The following KLHL14 variants were observed in gnomAD, a reference collection of about 807,000 sequenced individuals.
The protein encoded by KLHL14 is kelch-like protein 14.
KLHL14 carries 22 observed loss-of-function variants against 64.3 expected under a neutral mutation model. The ratio of observed to expected loss-of-function variants is 0.34; its 90% CI spans 0.24 to 0.49. The LOEUF (loss-of-function observed/expected upper bound fraction) is 0.49. Ranked by LOEUF, KLHL14 falls within the 20% of genes least tolerant of loss-of-function variation. KLHL14 has a pLI of 0.99. For synonymous variants in KLHL14, 322 were observed against 333.4 expected (o/e 0.97, Z 0.37); for missense variants, 661 against 789.0 (o/e 0.84, Z 1.94).
chr18:32,708,165 G>A (rs915245222), intron 3 of KLHL14, among the ~76,000 whole-genome samples: 2 of 152,168 alleles, frequency 1.3e-5, no homozygotes, highest in Non-Finnish European at 2.9e-5. Flanking sequence ...CTGACAAACT[G>A]CTTCTGGGCT....
At chr18:32,749,452 T>C (rs1392390629) in intron 2 of KLHL14, among the ~76,000 whole-genome samples, 20 of 152,174 alleles carry the variant, frequency 1.3e-4, no homozygotes. Flanking sequence ...TACAAGAATG[T>C]TGTAAGGGTT....
At chr18:32,714,187 G>C (rs2050033738) in intron 3 of KLHL14, among the ~76,000 whole-genome samples, 1 of 152,096 alleles carries the variant, frequency 6.6e-6, no homozygotes, top group Non-Finnish European at 1.5e-5. Flanking sequence ...CTGCAGTGGT[G>C]AACCCAGTGT....
At chr18:32,759,555 G>T (rs2050302972) in intron 2 of KLHL14, among the ~76,000 whole-genome samples, 1 of 152,152 alleles carries the variant, frequency 6.6e-6, no homozygotes, top group Non-Finnish European at 1.5e-5. Context: ...TATGGGTAAG[G>T]CGTCTGAAAA....
At position 32,683,017 on chromosome 18, in the gene KLHL14, CACA is replaced by C. The variant is rs1438547819; in HGVS notation, c.1239-2421_1239-2419del. Reference sequence around the variant, plus strand: ...TCTAGAAGAAAAGATGCCACTTAGTCACAACAAGTATGAAAACCTTCTATTTAA... The same window carrying C: ...TCTAGAAGAAAAGATGCCACTTAGTCACAAGTATGAAAACCTTCTATTTAA... On this transcript the variant is annotated intron_variant, in intron 5 of 8. Transcript: ENST00000359358. This position sits in a 1 kb window ranked among gnomAD's most constrained non-coding sequence, Gnocchi z 4.2. 2.6e-5 allele frequency among the ~76,000 whole-genome samples: 4 copies of C among 152,140 alleles called. No individual in the cohort carries two copies. Among genetic ancestry groups the C allele is most frequent in the Non-Finnish European group, 5.9e-5 (4 of 68,014 alleles).
At chr18:32,739,288 TG>T (rs2050182924) in intron 3 of KLHL14, among the ~76,000 whole-genome samples, 1 of 151,924 alleles carries the variant, frequency 6.6e-6, no homozygotes, top group African/African-American at 2.4e-5. Flanking sequence ...GGGAAGAATC[TG>T]GGATTCTGAT....
intron 4 of KLHL14, among the ~76,000 whole-genome samples, chr18:32,694,618 T>C (rs2049928124): frequency 6.6e-6 from 1 of 152,238 alleles, no homozygotes; most frequent in Admixed American, 6.5e-5. Flanking sequence ...CAATTTTCTA[T>C]AATTTGCCTT....
intron 3 of KLHL14, among the ~76,000 whole-genome samples, chr18:32,736,204 A>G (rs1369034991): frequency 6.6e-6 from 1 of 152,188 alleles, no homozygotes; most frequent in African/African-American, 2.4e-5. Flanking sequence ...CTTCCTTGAA[A>G]TACAGTATTT....
chr18:32,683,633 C>T lies in KLHL14; in HGVS notation c.1239-3034G>A, dbSNP rs750091081. ...AATTGTTCATCTCTCCCTCCTTCAGCCTCCCCTGCCCCCACTGCCAGAAGC... is the reference window on the plus strand; with the variant it reads ...AATTGTTCATCTCTCCCTCCTTCAGTCTCCCCTGCCCCCACTGCCAGAAGC... On this transcript the variant is annotated intron_variant, in intron 5 of 8. Transcript: ENST00000359358. This position sits in a 1 kb window ranked among gnomAD's most constrained non-coding sequence, Gnocchi z 4.2. 6.6e-6 allele frequency among the ~76,000 whole-genome samples: 1 copy of T among 152,162 alleles called. No homozygotes were observed. The highest frequency in any genetic ancestry group is 2.4e-5 in the African/African-American group (1 of 41,444).
At chr18:32,689,698 A>C (rs1462173814) in intron 4 of KLHL14, among the ~76,000 whole-genome samples, 3 of 152,206 alleles carry the variant, frequency 2.0e-5, no homozygotes, top group Non-Finnish European at 4.4e-5. Flanking sequence ...AGCAGGCAAG[A>C]AGGAATGAGG....
At chr18:32,675,783 A>G (rs1341320016) in intron 8 of KLHL14, among the ~76,000 whole-genome samples, 5 of 152,194 alleles carry the variant, frequency 3.3e-5, no homozygotes, top group Non-Finnish European at 7.3e-5. Context: ...TCTGCTTCCA[A>G]ACAAATACAT....
At chr18:32,750,800 G>A (rs2050247410) in intron 2 of KLHL14, among the ~76,000 whole-genome samples, 1 of 152,066 alleles carries the variant, frequency 6.6e-6, no homozygotes, top group African/African-American at 2.4e-5. Flanking sequence ...GTTCTCCCTT[G>A]TGCTGTTGTA....
At chr18:32,693,413 C>CACAG (rs1229737083) in intron 4 of KLHL14, among the ~76,000 whole-genome samples, 171 of 97,018 alleles carry the variant, frequency 1.8e-3, no homozygotes, top group African/African-American at 4.2e-3. Flanking sequence ...CACACACACA[C>CACAG]AGAGAGAGAG....
intron 3 of KLHL14, among the ~76,000 whole-genome samples, chr18:32,704,934 T>C (rs1385141084): frequency 1.3e-5 from 2 of 152,030 alleles, no homozygotes; most frequent in Admixed American, 6.6e-5. Flanking sequence ...AGAAGAGCAA[T>C]AGATGCTCCA....
rs1445908909 is a variant in KLHL14 at position 32,683,367 on chromosome 18, G to T, written c.1239-2768C>A. 6.6e-6 allele frequency among the ~76,000 whole-genome samples: 1 copy of T among 152,108 alleles called. No homozygotes were observed. Among genetic ancestry groups the T allele is most frequent in the South Asian group, 2.1e-4 (1 of 4,820 alleles). ...TTCTGAGTCTTTGACTTATTCCCTTGCATGACCAAAGTGAGAGTTCCTGAA... is the reference window on the plus strand; with the variant it reads ...TTCTGAGTCTTTGACTTATTCCCTTTCATGACCAAAGTGAGAGTTCCTGAA... On this transcript the variant is annotated intron_variant, in intron 5 of 8. Transcript: ENST00000359358. This position sits in a 1 kb window ranked among gnomAD's most constrained non-coding sequence, Gnocchi z 4.2.
Position 32,680,241 on chromosome 18 carries a change from T to C in KLHL14, c.1516A>G (p.Thr506Ala), listed in dbSNP as rs1436087574. 4.3e-6 allele frequency: 7 copies of C among 1,613,890 alleles called. No individual in the cohort carries two copies. The highest frequency in any genetic ancestry group is 5.1e-6 in the Non-Finnish European group (6 of 1,179,848). Reference protein sequence around the residue: ...DVWARKQDMNTKRAIHTLAVM... With the variant: ...DVWARKQDMNAKRAIHTLAVM... ...GCCAAAGTGTGAATTGCACGTTTTG[T>C]GTTCATATCTTGTTTTCGAGCCCAG... Residue 506 changes from threonine to alanine, a missense_variant, in exon 7 of 9, where the codon ACA (threonine) becomes GCA (alanine). Thr to Ala is a moderately conservative substitution (Grantham distance 58). Around this residue, in one of 2 missense-constraint regions of KLHL14, gnomAD observed 330 missense variants for 450.0 expected, o/e 0.73. Coordinates refer to ENST00000359358, the MANE Select transcript of KLHL14 (RefSeq NM_020805.3). The surrounding 1 kb of genome is among the most constrained non-coding windows in gnomAD (Gnocchi z 4.8).
At chr18:32,691,502 C>T (rs2049907493) in intron 4 of KLHL14, among the ~76,000 whole-genome samples, 1 of 152,092 alleles carries the variant, frequency 6.6e-6, no homozygotes, top group African/African-American at 2.4e-5. Flanking sequence ...TATGATTGCA[C>T]CTTCCAGCCT....
Position 32,680,519 on chromosome 18 carries a change from C to G in KLHL14, c.1319G>C (p.Ser440Thr). ...CGTTTCTAGGTTATAGCACTCCACG[C>G]TGGACAAGTAGCCAGTTTCATTCCT... is the stretch of plus-strand genomic sequence containing the variant. ...GGRNETGYLS[S>T]VECYNLETNE... Residue 440 changes from serine (S) to threonine (T), a missense_variant, in exon 6 of 9, where the codon AGC (serine) becomes ACC (threonine). This residue lies in a region of KLHL14 where 330 missense variants were observed against 450.0 expected (regional missense o/e 0.73). Coordinates refer to ENST00000359358, the MANE Select transcript of KLHL14 (RefSeq NM_020805.3). The surrounding 1 kb of genome is among the most constrained non-coding windows in gnomAD (Gnocchi z 4.8). 1 of 1,613,860 alleles carries G rather than the reference C, an allele frequency of 6.2e-7. No individual in the cohort carries two copies. Among genetic ancestry groups the G allele is most frequent in the Non-Finnish European group, 8.5e-7 (1 of 1,179,896 alleles).
At chr18:32,761,582 A>G (rs553310954) in intron 2 of KLHL14, among the ~76,000 whole-genome samples, 139 of 152,204 alleles carry the variant, frequency 9.1e-4, no homozygotes, top group Non-Finnish European at 1.7e-3. Context: ...AGTCTTCTCC[A>G]GTCACTCGGA....
At chr18:32,685,023 G>A (rs1015948150) in intron 5 of KLHL14, among the ~76,000 whole-genome samples, 9 of 151,934 alleles carry the variant, frequency 5.9e-5, no homozygotes, top group East Asian at 3.9e-4. Context: ...TTGGTCTATC[G>A]AGTTGATTGT....
Sources: allele counts gnomAD v4.1 joint callset (sites outside exome capture counted in the v4.1 genomes callset), GRCh38; gene constraint gnomAD v4.1.1; regional missense constraint gnomAD v4.1.1; non-coding constraint Gnocchi (gnomAD v3.1); transcripts MANE v1.5; gene names NCBI Gene and HGNC (gene_info 2026-07-23, HGNC 2026-07-21).